CNTN5: variants seen among roughly 807,000 people sequenced by gnomAD.
CNTN5 encodes the protein contactin-5.
Under a neutral mutation model 129.1 loss-of-function variants are expected in CNTN5, and 77 were observed. The ratio of observed to expected loss-of-function variants is 0.60; its 90% CI spans 0.50 to 0.72. CNTN5 has a LOEUF of 0.72. CNTN5 is among the 30% of genes least tolerant of loss of function. The pLI, the probability that CNTN5 is intolerant of heterozygous loss-of-function variation, is 0.00. For synonymous variants in CNTN5, 509 were observed against 465.6 expected, an observed-to-expected ratio of 1.09 and a Z score of -1.20; for missense variants, 1,478 against 1,328.8, an observed-to-expected ratio of 1.11 and a Z score of -1.75.
At chr11:99,602,475 T>C (rs1950344134) in intron 3 of CNTN5, among the ~76,000 whole-genome samples, 1 of 152,124 alleles carries the variant, frequency 6.6e-6, no homozygotes, top group South Asian at 2.1e-4. Flanking sequence ...AAAAGGTTCA[T>C]TGACAATTGT....
At chr11:99,412,471 A>T (rs1206890835) in intron 2 of CNTN5, among the ~76,000 whole-genome samples, 1 of 152,222 alleles carries the variant, frequency 6.6e-6, no homozygotes, top group Non-Finnish European at 1.5e-5. Flanking sequence ...TTATCACTGT[A>T]TCAATTTCAC....
chr11:99,768,508 CT>C (rs1475742967), intron 3 of CNTN5, among the ~76,000 whole-genome samples: 3 of 152,088 alleles, frequency 2.0e-5, no homozygotes, highest in Non-Finnish European at 2.9e-5. Context: ...GCCATTGATA[CT>C]TTATCTCTTG....
At chr11:99,854,771 A>T (rs1183628109) in intron 6 of CNTN5, among the ~76,000 whole-genome samples, 1 of 152,126 alleles carries the variant, frequency 6.6e-6, no homozygotes, top group African/African-American at 2.4e-5. Flanking sequence ...TGGCCACAAA[A>T]CATGTTGAGA....
At chr11:99,248,989 C>T (rs1861961069) in intron 1 of CNTN5, among the ~76,000 whole-genome samples, 1 of 152,142 alleles carries the variant, frequency 6.6e-6, no homozygotes, top group South Asian at 2.1e-4. Context: ...TAGTTTTTTT[C>T]CAATTCTGCG....
intron 2 of CNTN5, among the ~76,000 whole-genome samples, chr11:99,338,981 G>GTA (rs1555115078): frequency 0.01 from 1,311 of 125,802 alleles, 22 homozygotes; most frequent in African/African-American, 0.034. Context: ...GTGTGTGTGT[G>GTA]TATATATATA....
intron 1 of CNTN5, among the ~76,000 whole-genome samples, chr11:99,091,446 C>T (rs1361143872): frequency 1.3e-5 from 2 of 152,148 alleles, no homozygotes; most frequent in African/African-American, 2.4e-5. Flanking sequence ...GGAACCAAGA[C>T]GAACCCAGAA....
intron 2 of CNTN5, among the ~76,000 whole-genome samples, chr11:99,407,234 G>T (rs1384502873): frequency 6.8e-6 from 1 of 146,290 alleles, no homozygotes; most frequent in East Asian, 2.1e-4. Context: ...ATTACTGCTG[G>T]TTATTCAGGG....
At position 99,378,745 on chromosome 11, in the gene CNTN5, TA is replaced by T. The variant is rs1366778022; in HGVS notation, c.-71+53269del. Reference sequence around the variant, plus strand: ...ATGTAGAAAATCACTAGGCTAGGTTTAAAAAAAAGTGAGAAAGGAAATAATA... The same window carrying T: ...ATGTAGAAAATCACTAGGCTAGGTTTAAAAAAAGTGAGAAAGGAAATAATA... On this transcript the variant is annotated intron_variant, in intron 2 of 24. Transcript: ENST00000524871. 5.9e-5 allele frequency among the ~76,000 whole-genome samples: 9 copies of T among 151,936 alleles called. No homozygotes were observed. In the East Asian group the frequency reaches 1.4e-3, roughly 23 times the overall value.
intron 13 of CNTN5, among the ~76,000 whole-genome samples, chr11:100,084,738 T>A (rs1440070360): frequency 6.6e-6 from 1 of 152,088 alleles, no homozygotes; most frequent in Non-Finnish European, 1.5e-5. Flanking sequence ...ACCTATACAT[T>A]TTAAGATGAT....
chr11:99,390,716 C>T (rs547706102), intron 2 of CNTN5, among the ~76,000 whole-genome samples: 6 of 152,072 alleles, frequency 3.9e-5, no homozygotes, highest in South Asian at 2.1e-4. Context: ...CAATAAACTT[C>T]GAACATTCCT....
chr11:99,284,864 A>AT (rs1863863846), intron 1 of CNTN5, among the ~76,000 whole-genome samples: 1 of 152,110 alleles, frequency 6.6e-6, no homozygotes, highest in African/African-American at 2.4e-5. Flanking sequence ...TATAGATATC[A>AT]TATAGGAAAG....
chr11:99,372,882 T>C (rs1365317263), intron 2 of CNTN5, among the ~76,000 whole-genome samples: 1 of 152,210 alleles, frequency 6.6e-6, no homozygotes, highest in African/African-American at 2.4e-5. Context: ...TCCAGTGTTA[T>C]GGCATCTGAG....
chr11:99,816,231 A>C (rs771944528), intron 3 of CNTN5, among the ~76,000 whole-genome samples: 33 of 151,724 alleles, frequency 2.2e-4, no homozygotes, highest in Middle Eastern at 3.2e-3. Flanking sequence ...GCTTTTCTTC[A>C]AAAAAAATGC....
intron 2 of CNTN5, among the ~76,000 whole-genome samples, chr11:99,435,257 T>C (rs553333272): frequency 6.6e-6 from 1 of 152,294 alleles, no homozygotes; most frequent in South Asian, 2.1e-4. Context: ...CAAGACATCA[T>C]ACTTATGCCA....
intron 2 of CNTN5, among the ~76,000 whole-genome samples, chr11:99,414,758 CTAAAA>C (rs1942569622): frequency 6.6e-6 from 1 of 152,024 alleles, no homozygotes; most frequent in Non-Finnish European, 1.5e-5. Context: ...AATCCTGAGA[CTAAAA>C]TAATCTTGCT....
intron 2 of CNTN5, among the ~76,000 whole-genome samples, chr11:99,410,410 G>T (rs1942340486): frequency 6.6e-6 from 1 of 152,088 alleles, no homozygotes; most frequent in South Asian, 2.1e-4. Context: ...TTTCATAAAA[G>T]ACTGGCAAGC....
At chr11:99,593,431 G>C (rs893995997) in intron 3 of CNTN5, among the ~76,000 whole-genome samples, 3 of 152,048 alleles carry the variant, frequency 2.0e-5, no homozygotes, top group African/African-American at 7.2e-5. Context: ...ACACACTGGG[G>C]ACCCCCGTCA....
chr11:100,263,511 A>G (rs1207078467), intron 17 of CNTN5, among the ~76,000 whole-genome samples: 1 of 152,150 alleles, frequency 6.6e-6, no homozygotes, highest in East Asian at 1.9e-4. Flanking sequence ...TAGTGTCTAT[A>G]AACATATTTA....
chr11:99,142,593 C>A lies in CNTN5; in HGVS notation c.-210+121323C>A, dbSNP rs113653957. Reference sequence around the variant, plus strand: ...CTGGCAGACCAGACTGGATGGTGCTCAGAACACACTGCCCCCATCCCATGG... The same window carrying A: ...CTGGCAGACCAGACTGGATGGTGCTAAGAACACACTGCCCCCATCCCATGG... On this transcript the variant is annotated intron_variant, in intron 1 of 24. Coordinates refer to ENST00000524871, the MANE Select transcript of CNTN5 (RefSeq NM_014361.4). 8.4e-3 allele frequency among the ~76,000 whole-genome samples: 1,280 copies of A among 152,164 alleles called. 21 individuals are homozygous for A. The highest frequency in any genetic ancestry group is 0.029 in the African/African-American group (1,188 of 41,512).
Sources: allele counts gnomAD v4.1 joint callset (sites outside exome capture counted in the v4.1 genomes callset), GRCh38; gene constraint gnomAD v4.1.1; transcripts MANE v1.5; gene names NCBI Gene and HGNC (gene_info 2026-07-23, HGNC 2026-07-21).